ABHD6: variants seen among roughly 807,000 people sequenced by gnomAD.
ABHD6 encodes the protein monoacylglycerol lipase ABHD6.
Under a neutral mutation model 38.8 loss-of-function variants are expected in ABHD6, and 33 were observed. The ratio of observed to expected loss-of-function variants is 0.85; its 90% CI spans 0.64 to 1.14. ABHD6 has a LOEUF of 1.14. ABHD6 is among the 50% of genes most tolerant of loss of function. The pLI is 0.00. For missense variants in ABHD6, 380 were observed against 422.6 expected, an observed-to-expected ratio of 0.90 and a Z score of 0.88; for synonymous variants, 147 against 161.6, an observed-to-expected ratio of 0.91 and a Z score of 0.69.
chr3:58,283,490 G>T (rs2097454789), intron 7 of ABHD6, among the ~76,000 whole-genome samples: 2 of 152,208 alleles, frequency 1.3e-5, no homozygotes, highest in African/African-American at 4.8e-5. Flanking sequence ...CACAGTGCTT[G>T]CATGAAGTAG....
In ABHD6 at chr3:58,267,061, G is replaced by A; in HGVS notation, c.120-128G>A. 1 of 1,028,630 alleles carries A rather than the reference G, an allele frequency of 9.7e-7. No homozygotes were observed. The highest frequency in any genetic ancestry group is 1.4e-6 in the Non-Finnish European group (1 of 700,346). The allele number at this position is 1,028,630 out of a possible 1,614,324, so 63.7% of individuals were successfully genotyped here. On this transcript the variant is annotated intron_variant, in intron 3 of 9. Coordinates refer to ENST00000478253, the MANE Select transcript of ABHD6 (RefSeq NM_001320126.2). This position sits in a 1 kb window ranked among gnomAD's most constrained non-coding sequence, Gnocchi z 4.3. ...CAGGAGGACTCTAGAGACTGATGGAGGACAAGGGCTGGAGAAGTGTTTGTG... is the reference window on the plus strand; with the variant it reads ...CAGGAGGACTCTAGAGACTGATGGAAGACAAGGGCTGGAGAAGTGTTTGTG...
At position 58,257,136 on chromosome 3, in the gene ABHD6, G is replaced by A. The variant is rs112419169; in HGVS notation, c.119+431G>A. ...TTGGCCAGGCTGGTCTCCAACTCCTGGCCTCAAGTGATCTTCCCATCTTGC... is the reference window on the plus strand; with the variant it reads ...TTGGCCAGGCTGGTCTCCAACTCCTAGCCTCAAGTGATCTTCCCATCTTGC... On this transcript the variant is annotated intron_variant, in intron 3 of 9. Transcript: ENST00000478253. This position sits in a 1 kb window ranked among gnomAD's most constrained non-coding sequence, Gnocchi z 4.8. Among the ~76,000 whole-genome samples, 23 of 152,230 alleles carry A rather than the reference G, an allele frequency of 1.5e-4. No individual in the cohort carries two copies. The highest frequency in any genetic ancestry group is 3.4e-4 in the Non-Finnish European group (23 of 68,018).
rs757550681 is a variant in ABHD6 at position 58,293,667 on chromosome 3, C to T, written c.916C>T (p.His306Tyr). 6.2e-7 allele frequency: 1 copy of T among 1,614,230 alleles called. No homozygotes were observed. The highest frequency in any genetic ancestry group is 8.5e-7 in the Non-Finnish European group (1 of 1,180,040). The change falls in exon 10 of 10, where the codon CAC becomes TAC. Residue 306 changes from histidine to tyrosine, a missense_variant. Physicochemically the swap from His to Tyr is moderately conservative, Grantham distance 83 (BLOSUM62 2). Coordinates refer to ENST00000478253, the MANE Select transcript of ABHD6 (RefSeq NM_001320126.2). This position sits in a 1 kb window ranked among gnomAD's most constrained non-coding sequence, Gnocchi z 4.4. ...GGTGGAGCTTCTGGAAAACTGTGGGCACTCAGTAGTGATGGAAAGACCCAG... is the reference window on the plus strand; with the variant it reads ...GGTGGAGCTTCTGGAAAACTGTGGGTACTCAGTAGTGATGGAAAGACCCAG... The part of the protein sequence containing the change: ...CQVELLENCG[H>Y]SVVMERPRKT...
chr3:58,286,020 CT>C (rs1219381531), intron 9 of ABHD6, among the ~76,000 whole-genome samples: 1 of 82,134 alleles, frequency 1.2e-5, no homozygotes, highest in African/African-American at 6.0e-5. Context: ...GTTTTTTGTT[CT>C]TTTGTTTTTT....
At position 58,251,790 on chromosome 3, in the gene ABHD6, GAT is replaced by G. The variant is rs1487091554; in HGVS notation, c.-26+1850_-26+1851del. Among the ~76,000 whole-genome samples the G allele has an allele frequency of 9.2e-5, 14 of 152,110 alleles. No individual in the cohort carries two copies. Among genetic ancestry groups the G allele is most frequent in the Admixed American group, 7.9e-4 (12 of 15,268 alleles). ...AACCCTGGGGTGCCTCACTTTACACGATAAATAGATAAAATGAAGTGTTTTTC... is the reference window on the plus strand; with the variant it reads ...AACCCTGGGGTGCCTCACTTTACACGAAATAGATAAAATGAAGTGTTTTTC... On this transcript the variant is annotated intron_variant, in intron 2 of 9. Coordinates refer to ENST00000478253, the MANE Select transcript of ABHD6 (RefSeq NM_001320126.2). The surrounding 1 kb of genome is among the most constrained non-coding windows in gnomAD (Gnocchi z 5.4).
At chr3:58,264,424 C>T (rs865979399) in intron 3 of ABHD6, among the ~76,000 whole-genome samples, 2,506 of 143,392 alleles carry the variant, frequency 0.017, 95 homozygotes, top group African/African-American at 0.063. Context: ...CACACACACA[C>T]ACACACACAC....
intron 1 of ABHD6, among the ~76,000 whole-genome samples, chr3:58,241,843 T>G (rs997830791): frequency 7.2e-5 from 11 of 152,198 alleles, no homozygotes; most frequent in Non-Finnish European, 1.6e-4. Flanking sequence ...TGTCACTGCT[T>G]TGAACAGTTT....
At chr3:58,268,503 T>G (rs920959926) in intron 4 of ABHD6, among the ~76,000 whole-genome samples, 1 of 152,136 alleles carries the variant, frequency 6.6e-6, no homozygotes, top group South Asian at 2.1e-4. Context: ...GGTGTGAAGG[T>G]TGGGGCTGGC....
intron 3 of ABHD6, among the ~76,000 whole-genome samples, chr3:58,261,644 G>A (rs12635518): frequency 0.18 from 27,702 of 152,086 alleles, 4,246 homozygotes; most frequent in East Asian, 0.79. Flanking sequence ...CACCATGCCC[G>A]GCCTGGTTCT....
chr3:58,256,776 G>T lies in ABHD6; in HGVS notation c.119+71G>T. 4 of 1,241,506 alleles carry T rather than the reference G, an allele frequency of 3.2e-6. No individual in the cohort carries two copies. Among genetic ancestry groups the T allele is most frequent in the Non-Finnish European group, 4.6e-6 (4 of 863,264 alleles). The allele number at this position is 1,241,506 out of a possible 1,614,324, so 76.9% of individuals were successfully genotyped here. A position where few individuals can be genotyped will look rare whatever the true frequency, so the allele number is the denominator to read the frequency against. On this transcript the variant is annotated intron_variant, in intron 3 of 9. Coordinates refer to ENST00000478253, the MANE Select transcript of ABHD6 (RefSeq NM_001320126.2). The surrounding 1 kb of genome is among the most constrained non-coding windows in gnomAD (Gnocchi z 4.3). ...GACATCTTCTCTGCTTGTCCTTTTT[G>T]TGGTTATTGTCCAACATTTTATCAG... is the stretch of plus-strand genomic sequence containing the variant.
At chr3:58,275,330 C>CT (rs34839470) in intron 7 of ABHD6, among the ~76,000 whole-genome samples, 56,740 of 132,958 alleles carry the variant, frequency 0.43, 13,633 homozygotes, top group African/African-American at 0.64. Context: ...CCCTTATACT[C>CT]TTTTTTTTTT....
Position 58,259,551 on chromosome 3 carries a change from C to T in ABHD6, c.119+2846C>T, listed in dbSNP as rs2097435618. 6.6e-6 allele frequency among the ~76,000 whole-genome samples: 1 copy of T among 152,016 alleles called. No homozygotes were observed. Among genetic ancestry groups the T allele is most frequent in the Non-Finnish European group, 1.5e-5 (1 of 68,016 alleles). Reference sequence around the variant, plus strand: ...AAAAAATTAGCCAGGCATGGTGGTACGTGCCTGTAATTCCAGCTACCTGGG... The same window carrying T: ...AAAAAATTAGCCAGGCATGGTGGTATGTGCCTGTAATTCCAGCTACCTGGG... On this transcript the variant is annotated intron_variant, in intron 3 of 9. Transcript: ENST00000478253. This position sits in a 1 kb window ranked among gnomAD's most constrained non-coding sequence, Gnocchi z 4.7.
intron 7 of ABHD6, among the ~76,000 whole-genome samples, chr3:58,279,655 C>T (rs1025402366): frequency 6.6e-6 from 1 of 152,090 alleles, no homozygotes; most frequent in Non-Finnish European, 1.5e-5. Flanking sequence ...GGTTATTTTG[C>T]CCATTATTGA....
chr3:58,256,479 C>T lies in ABHD6; in HGVS notation c.-25-83C>T. On this transcript the variant is annotated intron_variant, in intron 2 of 9. Coordinates refer to ENST00000478253, the MANE Select transcript of ABHD6 (RefSeq NM_001320126.2). The surrounding 1 kb of genome is among the most constrained non-coding windows in gnomAD (Gnocchi z 4.3). ...TTCTTTACCCTCACTCTGGGAACTTCACTTTTCTTGTCCCCTTTACTTCTT... is the reference window on the plus strand; with the variant it reads ...TTCTTTACCCTCACTCTGGGAACTTTACTTTTCTTGTCCCCTTTACTTCTT... The T allele has an allele frequency of 1.2e-6, 1 of 815,234 alleles. No individual in the cohort carries two copies. The allele number at this position is 815,234 out of a possible 1,614,324, so 50.5% of individuals were successfully genotyped here. A position where few individuals can be genotyped will look rare whatever the true frequency, so the allele number is the denominator to read the frequency against.
intron 1 of ABHD6, among the ~76,000 whole-genome samples, chr3:58,249,235 T>C (rs1373676711): frequency 6.6e-6 from 1 of 152,244 alleles, no homozygotes; most frequent in African/African-American, 2.4e-5. Flanking sequence ...AGAAAGCCCT[T>C]TCCTATGGAG....
intron 9 of ABHD6, among the ~76,000 whole-genome samples, chr3:58,290,627 C>T (rs1388559202): frequency 7.9e-5 from 11 of 138,534 alleles, no homozygotes; most frequent in African/African-American, 2.8e-4. Context: ...TCAGACAGGG[C>T]GGTTGCCGGG....
rs75264111 is a variant in ABHD6 at position 58,265,976 on chromosome 3, G to C, written c.120-1213G>C. Among the ~76,000 whole-genome samples the C allele has an allele frequency of 7.1e-4, 108 of 152,268 alleles. 2 individuals are homozygous for C. In the East Asian group the frequency reaches 0.019, roughly 27 times the overall value. Reference sequence around the variant, plus strand: ...TAAATTTCAACATGAGTTTTGGAGGGGACATTCAAAGTCAGTAAGTGAATG... The same window carrying C: ...TAAATTTCAACATGAGTTTTGGAGGCGACATTCAAAGTCAGTAAGTGAATG... On this transcript the variant is annotated intron_variant, in intron 3 of 9. Coordinates refer to ENST00000478253, the MANE Select transcript of ABHD6 (RefSeq NM_001320126.2). This position sits in a 1 kb window ranked among gnomAD's most constrained non-coding sequence, Gnocchi z 4.2.
In ABHD6 at chr3:58,267,357, G is replaced by C. The variant is rs753331550; in HGVS notation, c.276+12G>C. The C allele has an allele frequency of 5.6e-6, 9 of 1,613,736 alleles. No individual in the cohort carries two copies. The East Asian group carries it at 1.3e-4, about 24-fold the overall frequency. ...TCAGTGTGGTCAAGGTGCAATTCTCGATTCTTCTCTCTTATAAGAAAAGGG... is the reference window on the plus strand; with the variant it reads ...TCAGTGTGGTCAAGGTGCAATTCTCCATTCTTCTCTCTTATAAGAAAAGGG... On this transcript the variant is annotated intron_variant, in intron 4 of 9. Coordinates refer to ENST00000478253, the MANE Select transcript of ABHD6 (RefSeq NM_001320126.2). This position sits in a 1 kb window ranked among gnomAD's most constrained non-coding sequence, Gnocchi z 4.3.
chr3:58,250,676 T>C (rs1163957320), intron 2 of ABHD6, among the ~76,000 whole-genome samples: 1 of 152,104 alleles, frequency 6.6e-6, no homozygotes, highest in East Asian at 1.9e-4. Context: ...CTTACATTCC[T>C]AGTAAATGTT....
Sources: gnomAD v4.1 joint callset for allele counts (sites outside exome capture counted in the v4.1 genomes callset) on GRCh38, gnomAD v4.1.1 for gene constraint, Gnocchi (gnomAD v3.1) non-coding constraint, MANE v1.5 for transcripts, NCBI Gene and HGNC (gene_info 2026-07-23, HGNC 2026-07-21) for gene names.